EPC2: variants seen among roughly 807,000 people sequenced by gnomAD.
EPC2 encodes the protein enhancer of polycomb 2, also known as enhancer of polycomb homolog 2.
A neutral mutation model predicts 92.1 loss-of-function variants in EPC2; 14 were observed. The observed-to-expected ratio is 0.15, with a 90% CI of 0.10 to 0.24. EPC2 has a LOEUF of 0.24. Among genes scored for constraint, EPC2 ranks in the 10% least tolerant of loss-of-function variants. The pLI is 1.00. For missense variants in EPC2, 755 were observed against 971.5 expected (o/e 0.78, Z 2.96); for synonymous variants, 340 against 334.7 (o/e 1.02, Z -0.17).
chr2:148,747,327 C>T (rs1010687226), intron 3 of EPC2, among the ~76,000 whole-genome samples: 2 of 152,052 alleles, frequency 1.3e-5, no homozygotes, highest in African/African-American at 4.8e-5. Flanking sequence ...CCTGTAGAAG[C>T]ATAATCCTAA....
intron 1 of EPC2, among the ~76,000 whole-genome samples, chr2:148,671,588 T>C (rs1397800468): frequency 6.6e-6 from 1 of 152,186 alleles, no homozygotes; most frequent in African/African-American, 2.4e-5. Context: ...CATTCCAGCC[T>C]GGGCAACAGA....
chr2:148,754,608 C>T (rs184834805), intron 4 of EPC2, among the ~76,000 whole-genome samples: 16 of 152,256 alleles, frequency 1.1e-4, no homozygotes, highest in African/African-American at 3.8e-4. Flanking sequence ...TGTAGTTCTT[C>T]CAAGTGAAAA....
chr2:148,754,565 G>C (rs1328516476), intron 4 of EPC2, among the ~76,000 whole-genome samples: 1 of 152,088 alleles, frequency 6.6e-6, no homozygotes, highest in Non-Finnish European at 1.5e-5. Context: ...CTTGTTGCTC[G>C]CTTGAGACTT....
chr2:148,763,960 T>C (rs1172131842), intron 6 of EPC2, among the ~76,000 whole-genome samples: 1 of 152,162 alleles, frequency 6.6e-6, no homozygotes, highest in African/African-American at 2.4e-5. Flanking sequence ...AAATACTAAC[T>C]TTAGGGATTT....
At chr2:148,744,007 A>G (rs916951862) in intron 3 of EPC2, among the ~76,000 whole-genome samples, 2 of 152,116 alleles carry the variant, frequency 1.3e-5, no homozygotes, top group Non-Finnish European at 2.9e-5. Flanking sequence ...TCACAATGTT[A>G]TAATATTTTA....
At chr2:148,652,568 TGA>T (rs771485022) in intron 1 of EPC2, among the ~76,000 whole-genome samples, 3 of 152,330 alleles carry the variant, frequency 2.0e-5, no homozygotes, top group Non-Finnish European at 4.4e-5. Context: ...AGAATTGGAC[TGA>T]GTGACCTTTA....
At chr2:148,709,242 C>T (rs945362293) in intron 2 of EPC2, among the ~76,000 whole-genome samples, 2 of 152,192 alleles carry the variant, frequency 1.3e-5, no homozygotes, top group Non-Finnish European at 1.5e-5. Flanking sequence ...CTCCCATTCA[C>T]AATTGCTTCA....
At chr2:148,645,239 C>T (rs1683769904) in intron 1 of EPC2, 69 bp downstream of exon 1, 1 of 1,365,522 alleles carries the variant, frequency 7.3e-7, no homozygotes, top group African/African-American at 1.5e-5. Flanking sequence ...CGGGCCTCGC[C>T]ATTCACAGAG....
At chr2:148,744,989 G>GCCC (rs34269450) in intron 3 of EPC2, among the ~76,000 whole-genome samples, 3,189 of 46,210 alleles carry the variant, frequency 0.069, 330 homozygotes, top group Non-Finnish European at 0.12. Context: ...CTATCAGTTT[G>GCCC]CCCCCCCCCC....
At chr2:148,731,994 A>G (rs533548128) in intron 2 of EPC2, among the ~76,000 whole-genome samples, 1 of 152,346 alleles carries the variant, frequency 6.6e-6, no homozygotes, top group African/African-American at 2.4e-5. Context: ...ATTTATAAAC[A>G]GTATCTCATT....
Position 148,693,176 on chromosome 2 carries a change from C to T in EPC2, c.313+2803C>T, listed in dbSNP as rs1298278924. ...TTTTTTATGTAACTTTTTGCTAAGC[C>T]TTTAAGGAGTTTCAGAAAATTTCAC... is the stretch of plus-strand genomic sequence containing the variant. On this transcript the variant is annotated intron_variant, in intron 2 of 13. Transcript: ENST00000258484. Among the ~76,000 whole-genome samples the T allele has an allele frequency of 2.0e-5, 3 of 152,120 alleles. No individual in the cohort carries two copies. The East Asian group carries it at 5.8e-4, about 29-fold the overall frequency.
chr2:148,778,879 AAATG>A lies in EPC2; in HGVS notation c.1721-2760_1721-2757del, dbSNP rs1428911161. On this transcript the variant is annotated intron_variant, in intron 10 of 13. Transcript: ENST00000258484. ...GATTGAGGTGAGGGGGAAAAGAAAA[AAATG>A]AATGTAATTTTTTAAAGCATATACA... Among the ~76,000 whole-genome samples the A allele has an allele frequency of 2.6e-5, 4 of 152,190 alleles. No homozygotes were observed. The East Asian group carries it at 7.7e-4, about 29-fold the overall frequency.
chr2:148,715,901 A>C (rs958957295), intron 2 of EPC2, among the ~76,000 whole-genome samples: 6 of 152,046 alleles, frequency 3.9e-5, no homozygotes, highest in African/African-American at 1.4e-4. Context: ...GATTTCTTTG[A>C]GCAGTGGTTT....
intron 2 of EPC2, among the ~76,000 whole-genome samples, chr2:148,742,651 A>G (rs1022750992): frequency 1.3e-5 from 2 of 151,848 alleles, no homozygotes; most frequent in African/African-American, 2.4e-5. Flanking sequence ...GTGGTTGTGC[A>G]CACCTGTAGT....
intron 2 of EPC2, among the ~76,000 whole-genome samples, chr2:148,730,419 C>T (rs1353410764): frequency 6.6e-6 from 1 of 152,076 alleles, no homozygotes; most frequent in Non-Finnish European, 1.5e-5. Context: ...TCACAGTTAC[C>T]ACAAGTAAAG....
At chr2:148,696,268 G>A (rs1368061324) in intron 2 of EPC2, among the ~76,000 whole-genome samples, 5 of 152,186 alleles carry the variant, frequency 3.3e-5, no homozygotes, top group Admixed American at 1.3e-4. Context: ...GGACAACACA[G>A]TGAGACCTTG....
intron 10 of EPC2, among the ~76,000 whole-genome samples, chr2:148,779,314 G>C (rs556293136): frequency 6.6e-6 from 1 of 152,324 alleles, no homozygotes; most frequent in South Asian, 2.1e-4. Flanking sequence ...GGTCACAGTA[G>C]CTCATGCATG....
At chr2:148,751,338 G>C (rs1683079890) in intron 3 of EPC2, among the ~76,000 whole-genome samples, 1 of 151,994 alleles carries the variant, frequency 6.6e-6, no homozygotes, top group Admixed American at 6.6e-5. Flanking sequence ...TAGCCATCTA[G>C]AAGAAAAGCC....
At chr2:148,680,968 G>A (rs1480542253) in intron 1 of EPC2, among the ~76,000 whole-genome samples, 1 of 152,192 alleles carries the variant, frequency 6.6e-6, no homozygotes, top group Admixed American at 6.5e-5. Flanking sequence ...ATGATAATAG[G>A]TTGGACTGCT....
Sources: gnomAD v4.1 joint callset for allele counts (sites outside exome capture counted in the v4.1 genomes callset) on GRCh38, gnomAD v4.1.1 for gene constraint, MANE v1.5 for transcripts, NCBI Gene and HGNC (gene_info 2026-07-23, HGNC 2026-07-21) for gene names.